The following NETO2 variants were observed in gnomAD, a reference collection of about 807,000 sequenced individuals.
The protein encoded by NETO2 is neuropilin and tolloid like 2.
NETO2 carries 28 observed loss-of-function variants against 62.5 expected under a neutral mutation model. That is an observed-to-expected ratio of 0.45 (90% CI 0.33 to 0.61). The LOEUF is 0.61. Ranked by LOEUF, NETO2 falls within the 20% of genes least tolerant of loss-of-function variation. NETO2 has a pLI of 0.02. For missense variants in NETO2, 548 were observed against 643.2 expected, an observed-to-expected ratio of 0.85 and a Z score of 1.60; for synonymous variants, 214 against 219.1, an observed-to-expected ratio of 0.98 and a Z score of 0.21.
Position 47,122,886 on chromosome 16 carries a change from T to C in NETO2, c.508A>G (p.Ile170Val), listed in dbSNP as rs1964069616. The C allele has an allele frequency of 2.5e-6, 4 of 1,613,752 alleles. No homozygotes were observed. The South Asian group carries it at 3.3e-5, about 13-fold the overall frequency. ...ACTAAACCTGGAATGGGATTTAAAATACCTCCTAGGTAAGTAAAGTCTGGA... is the reference window on the plus strand; with the variant it reads ...ACTAAACCTGGAATGGGATTTAAAACACCTCCTAGGTAAGTAAAGTCTGGA... ...PDPDFTYLGG[I>V]LNPIPDCQFE... The change falls in exon 5 of 9, where the codon ATT becomes GTT. Residue 170 changes from isoleucine to valine, a missense_variant. Physicochemically the swap from Ile to Val is conservative, Grantham distance 29 (BLOSUM62 3). Transcript: ENST00000562435.
chr16:47,115,712 T>TACATATATATATAC (rs1555498112), intron 6 of NETO2, among the ~76,000 whole-genome samples: 200 of 134,748 alleles, frequency 1.5e-3, no homozygotes, highest in Non-Finnish European at 2.5e-3. Context: ...TATATATATA[T>TACATATATATATAC]ACATATATAT....
At chr16:47,108,625 AG>A (rs1297916817) in intron 7 of NETO2, among the ~76,000 whole-genome samples, 2 of 152,250 alleles carry the variant, frequency 1.3e-5, no homozygotes, top group East Asian at 3.8e-4. Flanking sequence ...CAATGTGCCA[AG>A]GAAAGATGCA....
intron 1 of NETO2, among the ~76,000 whole-genome samples, chr16:47,139,610 G>A (rs1964424994): frequency 6.6e-6 from 1 of 152,154 alleles, no homozygotes. Context: ...GCAGTCACTT[G>A]TTTTTGATAA....
chr16:47,122,149 T>C (rs1380375600), intron 6 of NETO2, among the ~76,000 whole-genome samples: 1 of 152,210 alleles, frequency 6.6e-6, no homozygotes, highest in Non-Finnish European at 1.5e-5. Flanking sequence ...GTCAGAGTTA[T>C]TTAAAAACAT....
At chr16:47,116,333 C>T (rs1006948038) in intron 6 of NETO2, among the ~76,000 whole-genome samples, 1 of 152,036 alleles carries the variant, frequency 6.6e-6, no homozygotes, top group African/African-American at 2.4e-5. Context: ...ATGGAAGTCT[C>T]ATCTGTTCCT....
rs576680632 is a variant in NETO2, at chr16:47,132,725, C to T, written c.35-700G>A. 2.4e-4 allele frequency among the ~76,000 whole-genome samples: 36 copies of T among 152,318 alleles called. 1 individual carries two copies. In the East Asian group the frequency reaches 5.8e-3, roughly 24 times the overall value. Reference sequence around the variant, plus strand: ...AGGAAACCACACTGCCAGCCTGTCCCGAACTACTGCGTGAACTGGAGTTAT... The same window carrying T: ...AGGAAACCACACTGCCAGCCTGTCCTGAACTACTGCGTGAACTGGAGTTAT... On this transcript the variant is annotated intron_variant, in intron 1 of 8. Transcript: ENST00000562435.
chr16:47,118,746 C>T (rs2143945043), intron 6 of NETO2, among the ~76,000 whole-genome samples: 1 of 152,352 alleles, frequency 6.6e-6, no homozygotes, highest in South Asian at 2.1e-4. Flanking sequence ...TCTCTCCTAA[C>T]TTCTACCTCT....
intron 6 of NETO2, among the ~76,000 whole-genome samples, chr16:47,119,156 CTT>C (rs1256390525): frequency 4.9e-5 from 7 of 141,852 alleles, no homozygotes; most frequent in Non-Finnish European, 4.7e-5. Context: ...TTTTCTTTTT[CTT>C]TTTTTTTTTT....
chr16:47,112,203 C>A (rs898281530), intron 6 of NETO2, among the ~76,000 whole-genome samples: 5 of 152,082 alleles, frequency 3.3e-5, no homozygotes, highest in African/African-American at 1.2e-4. Flanking sequence ...CAGGCATGGG[C>A]CACCGTGACT....
intron 3 of NETO2, among the ~76,000 whole-genome samples, chr16:47,128,865 C>A (rs918655452): frequency 3.3e-5 from 5 of 152,168 alleles, no homozygotes; most frequent in Middle Eastern, 3.4e-3. Context: ...ATACAACGTA[C>A]CACAATACAC....
intron 7 of NETO2, among the ~76,000 whole-genome samples, chr16:47,098,888 T>G (rs116133817): frequency 0.021 from 3,195 of 152,082 alleles, 105 homozygotes; most frequent in African/African-American, 0.071. Flanking sequence ...TTCTTTTTTT[T>G]TGTGTATGTG....
At chr16:47,098,230 G>A (rs1168554933) in intron 7 of NETO2, among the ~76,000 whole-genome samples, 5 of 152,080 alleles carry the variant, frequency 3.3e-5, no homozygotes, top group East Asian at 1.9e-4. Context: ...AAACTTCTCC[G>A]AGCTAAAGGA....
intron 7 of NETO2, among the ~76,000 whole-genome samples, chr16:47,102,166 G>A (rs1012366890): frequency 2.0e-5 from 3 of 152,046 alleles, no homozygotes; most frequent in African/African-American, 7.2e-5. Context: ...CAAATCTGAC[G>A]AAAACAAGCA....
At chr16:47,136,815 G>A (rs920154436) in intron 1 of NETO2, among the ~76,000 whole-genome samples, 1 of 151,666 alleles carries the variant, frequency 6.6e-6, no homozygotes, top group African/African-American at 2.4e-5. Flanking sequence ...AATAGATCTC[G>A]CCTTCAAGCT....
At position 47,080,622 on chromosome 16, in the gene NETO2, T is replaced by C. The variant is rs1963046447; in HGVS notation, c.*2599A>G. The stretch of plus-strand genomic sequence containing the variant: ...AGTTTAATAAATAAATGAGATCTAA[T>C]GCCCATCTATGATTCAATGAAGGTG... On this transcript the variant is annotated 3_prime_UTR_variant, in exon 9 of 9. Transcript: ENST00000562435. 6.6e-6 allele frequency: 1 copy of C among 152,242 alleles called. No individual in the cohort carries two copies. Among genetic ancestry groups the C allele is most frequent in the African/African-American group, 2.4e-5 (1 of 41,464 alleles). 9.4% of individuals were successfully genotyped at this position (152,242 alleles called of 1,614,324 possible).
intron 4 of NETO2, among the ~76,000 whole-genome samples, chr16:47,125,737 C>T (rs575228240): frequency 4.6e-5 from 7 of 152,262 alleles, no homozygotes; most frequent in Admixed American, 2.6e-4. Context: ...GTCATCCAGG[C>T]TGGAGTGCAG....
At chr16:47,099,909 A>C (rs966648415) in intron 7 of NETO2, among the ~76,000 whole-genome samples, 8 of 152,348 alleles carry the variant, frequency 5.3e-5, no homozygotes, top group Non-Finnish European at 8.8e-5. Flanking sequence ...AACGAGACGG[A>C]AAATTAACAA....
intron 1 of NETO2, among the ~76,000 whole-genome samples, chr16:47,142,118 A>G (rs1964471908): frequency 6.6e-6 from 1 of 152,242 alleles, no homozygotes; most frequent in South Asian, 2.1e-4. Context: ...ACGATCAGAA[A>G]TCCTAGTGTG....
At chr16:47,136,059 T>A (rs1261330030) in intron 1 of NETO2, among the ~76,000 whole-genome samples, 1 of 152,230 alleles carries the variant, frequency 6.6e-6, no homozygotes, top group Non-Finnish European at 1.5e-5. Context: ...AATATTTTAA[T>A]CAAACTCTTA....
Sources: gnomAD v4.1 joint callset for allele counts (sites outside exome capture counted in the v4.1 genomes callset) on GRCh38, gnomAD v4.1.1 for gene constraint, MANE v1.5 for transcripts, NCBI Gene and HGNC (gene_info 2026-07-23, HGNC 2026-07-21) for gene names.